The following PLXNC1 variants were observed in gnomAD, a reference collection of about 807,000 sequenced individuals.
PLXNC1 encodes plexin-C1.
In PLXNC1, 75 loss-of-function variants were observed where a neutral mutation model predicts 178.2. That is an observed-to-expected ratio of 0.42 (90% CI 0.35 to 0.51). The LOEUF (loss-of-function observed/expected upper bound fraction) is 0.51, where lower values mean the gene tolerates loss of function less well. Ranked by LOEUF, PLXNC1 falls within the 20% of genes least tolerant of loss-of-function variation. The pLI is 0.02. For missense variants in PLXNC1, 1,503 were observed against 1,984.4 expected (o/e 0.76, Z 4.61); for synonymous variants, 790 against 779.9 (o/e 1.01, Z -0.22).
At chr12:94,199,092 C>T (rs538291103) in intron 4 of PLXNC1, among the ~76,000 whole-genome samples, 17 of 152,050 alleles carry the variant, frequency 1.1e-4, no homozygotes, top group Non-Finnish European at 2.2e-4. Flanking sequence ...AGGCAGGGGG[C>T]GCTAAATTTA....
chr12:94,206,969 A>G (rs1167225955), intron 4 of PLXNC1, among the ~76,000 whole-genome samples: 1 of 152,210 alleles, frequency 6.6e-6, no homozygotes, highest in African/African-American at 2.4e-5. Flanking sequence ...TAGCTTTCAA[A>G]AGGAATTATT....
At chr12:94,299,260 T>G (rs1035920359) in intron 27 of PLXNC1, among the ~76,000 whole-genome samples, 1 of 152,184 alleles carries the variant, frequency 6.6e-6, no homozygotes, top group African/African-American at 2.4e-5. Flanking sequence ...AGTTTGTGTT[T>G]TGTTTTATAT....
rs1370001325 is a variant in PLXNC1 at position 94,254,886 on chromosome 12, A to T, written c.2981A>T (p.Asp994Val). 1 of 1,606,918 alleles carries T rather than the reference A, an allele frequency of 6.2e-7. No individual in the cohort carries two copies. Among genetic ancestry groups the T allele is most frequent in the Non-Finnish European group, 8.5e-7 (1 of 1,176,034 alleles). The stretch of plus-strand genomic sequence containing the variant: ...AGCGAGCTCCGGAAAGAGATACGTG[A>T]CGGTAGGCTCCAAAATTGTGTTTGT... Reference protein sequence around the residue: ...LESELRKEIRDGFAELQMDKL... With the variant: ...LESELRKEIRVGFAELQMDKL... The change falls in exon 16 of 31, where the codon GAC becomes GTC. Residue 994 changes from aspartate to valine, a missense_variant and splice_region_variant. Asp to Val is a radical substitution (Grantham distance 152). Transcript: ENST00000258526.
chr12:94,165,113 T>A (rs1961559139), intron 1 of PLXNC1, among the ~76,000 whole-genome samples: 1 of 152,048 alleles, frequency 6.6e-6, no homozygotes. Context: ...GAGAGCAACA[T>A]TAGCGATTAT....
intron 4 of PLXNC1, among the ~76,000 whole-genome samples, chr12:94,190,471 G>C (rs775412703): frequency 2.0e-5 from 3 of 152,036 alleles, no homozygotes; most frequent in Non-Finnish European, 4.4e-5. Context: ...GAACTCCTGG[G>C]CTCAAGCAAT....
In PLXNC1 at chr12:94,219,803, TTTTATTTATTTATTTA is replaced by T. The variant is rs61371301; in HGVS notation, c.1555-183_1555-168del. Among the ~76,000 whole-genome samples the T allele has an allele frequency of 1.5e-3, 174 of 116,462 alleles. 1 individual carries two copies. Among genetic ancestry groups the T allele is most frequent in the African/African-American group, 4.2e-3 (159 of 37,924 alleles). 76.4% of individuals were successfully genotyped at this position (116,462 alleles called of 152,430 possible). A position where few individuals can be genotyped will look rare whatever the true frequency, so the allele number is the denominator to read the frequency against. ...CAACAAAACATCTATTCTTTTATAT[TTTTATTTATTTATTTA>T]TTTATTTATTTATTTATTTATTTAT... On this transcript the variant is annotated intron_variant, in intron 5 of 30. Coordinates refer to ENST00000258526, the MANE Select transcript of PLXNC1 (RefSeq NM_005761.3).
intron 30 of PLXNC1, 124 bp downstream of exon 30, chr12:94,304,175 T>G (rs1385179280): frequency 1.9e-5 from 12 of 641,834 alleles, no homozygotes; most frequent in African/African-American, 3.7e-5. Flanking sequence ...CCAGGAAGCC[T>G]GTCTGAGATG....
Position 94,259,393 on chromosome 12 carries a change from CA to C in PLXNC1, c.3126+19del. 2 of 1,576,616 alleles carry C rather than the reference CA, an allele frequency of 1.3e-6. No individual in the cohort carries two copies. Among genetic ancestry groups the C allele is most frequent in the Non-Finnish European group, 1.7e-6 (2 of 1,161,646 alleles). ...ATATGCATGTAAGTCTCTACGTTTTCATTTTTAGCCCAGTGACTGCCTGATG... is the reference window on the plus strand; with the variant it reads ...ATATGCATGTAAGTCTCTACGTTTTCTTTTTAGCCCAGTGACTGCCTGATG... On this transcript the variant is annotated intron_variant, in intron 18 of 30. Transcript: ENST00000258526.
chr12:94,285,875 C>T (rs1296594961), intron 23 of PLXNC1, among the ~76,000 whole-genome samples: 1 of 152,178 alleles, frequency 6.6e-6, no homozygotes, highest in African/African-American at 2.4e-5. Context: ...TCTTGCTCAG[C>T]TGTGCCTCCC....
intron 20 of PLXNC1, among the ~76,000 whole-genome samples, chr12:94,261,141 GA>G (rs2136082049): frequency 7.2e-6 from 1 of 138,126 alleles, no homozygotes; most frequent in South Asian, 2.3e-4. Flanking sequence ...AATGTACTGA[GA>G]AAAGGGAATA....
At chr12:94,167,587 C>T (rs896605601) in intron 1 of PLXNC1, among the ~76,000 whole-genome samples, 3 of 152,060 alleles carry the variant, frequency 2.0e-5, no homozygotes, top group Non-Finnish European at 2.9e-5. Context: ...AAAGGTCATC[C>T]GACTTTTCTT....
rs545442040 is a variant in PLXNC1 at position 94,297,688 on chromosome 12, T to A, written c.4074+265T>A. ...CCAGTCTCTTTCTCCACCATTTCAC[T>A]ATTATTGTTATTTTTTAGGTTGACA... is the stretch of plus-strand genomic sequence containing the variant. On this transcript the variant is annotated intron_variant, in intron 26 of 30. Coordinates refer to ENST00000258526, the MANE Select transcript of PLXNC1 (RefSeq NM_005761.3). Among the ~76,000 whole-genome samples the A allele has an allele frequency of 2.0e-5, 3 of 152,350 alleles. No individual in the cohort carries two copies. The South Asian group carries it at 6.2e-4, about 32-fold the overall frequency.
At chr12:94,200,650 C>T (rs1963086910) in intron 4 of PLXNC1, among the ~76,000 whole-genome samples, 1 of 152,182 alleles carries the variant, frequency 6.6e-6, no homozygotes, top group Non-Finnish European at 1.5e-5. Flanking sequence ...GCTTTGAACC[C>T]AGACCCTTCT....
At chr12:94,267,060 T>C (rs1316679995) in intron 21 of PLXNC1, among the ~76,000 whole-genome samples, 2 of 152,248 alleles carry the variant, frequency 1.3e-5, no homozygotes, top group Non-Finnish European at 2.9e-5. Context: ...GCCTGTTGAC[T>C]CACCTTTCGC....
chr12:94,162,917 T>G (rs1409511740), intron 1 of PLXNC1, among the ~76,000 whole-genome samples: 1 of 152,062 alleles, frequency 6.6e-6, no homozygotes, highest in Non-Finnish European at 1.5e-5. Flanking sequence ...TTCACAGTAG[T>G]CAACATAATA....
chr12:94,248,516 C>A, intron 14 of PLXNC1, 104 bp downstream of exon 14: 1 of 912,876 alleles, frequency 1.1e-6, no homozygotes, highest in Non-Finnish European at 1.7e-6. Context: ...TCTTCAGATC[C>A]TCACTTTAAA....
chr12:94,181,077 C>T (rs900763327), intron 2 of PLXNC1, among the ~76,000 whole-genome samples: 11 of 152,166 alleles, frequency 7.2e-5, no homozygotes, highest in African/African-American at 2.6e-4. Context: ...TATGATTAAG[C>T]TACAATTTTT....
intron 12 of PLXNC1, among the ~76,000 whole-genome samples, chr12:94,246,096 A>C (rs1229265582): frequency 6.6e-6 from 1 of 152,222 alleles, no homozygotes; most frequent in African/African-American, 2.4e-5. Context: ...ACCACGAGAA[A>C]AGAAGAGAGT....
chr12:94,214,707 C>T (rs1383561150), intron 5 of PLXNC1, among the ~76,000 whole-genome samples: 7 of 152,040 alleles, frequency 4.6e-5, no homozygotes, highest in Non-Finnish European at 8.8e-5. Flanking sequence ...ATAAAAAGTC[C>T]TATTCATAAA....
Sources: gnomAD v4.1 joint callset for allele counts (sites outside exome capture counted in the v4.1 genomes callset) on GRCh38, gnomAD v4.1.1 for gene constraint, MANE v1.5 for transcripts, NCBI Gene and HGNC (gene_info 2026-07-23, HGNC 2026-07-21) for gene names.